Variants in FGFR2 observed in about 807,000 individuals in gnomAD.
FGFR2 encodes the protein fibroblast growth factor receptor 2.
FGFR2 carries 19 observed loss-of-function variants against 95.9 expected under a neutral mutation model. The observed-to-expected ratio is 0.20, with a 90% CI of 0.14 to 0.29. The LOEUF is 0.29. Ranked by LOEUF, FGFR2 falls within the 10% of genes least tolerant of loss-of-function variation. The pLI, the probability that FGFR2 is intolerant of heterozygous loss-of-function variation, is 1.00. For synonymous variants in FGFR2, 392 were observed against 393.3 expected, an observed-to-expected ratio of 1.00 and a Z score of 0.04; for missense variants, 707 against 1,056.9, an observed-to-expected ratio of 0.67 and a Z score of 4.59.
chr10:121,592,823 GC>G (rs1485772109), intron 2 of FGFR2, among the ~76,000 whole-genome samples: 1 of 152,156 alleles, frequency 6.6e-6, no homozygotes, highest in Non-Finnish European at 1.5e-5. Flanking sequence ...TCATTAAGTG[GC>G]GATGAGTGCT....
intron 7 of FGFR2, among the ~76,000 whole-genome samples, chr10:121,519,500 G>T (rs1428969385): frequency 6.6e-6 from 1 of 152,026 alleles, no homozygotes; most frequent in Non-Finnish European, 1.5e-5. Context: ...AATCCAAATT[G>T]TTTCTAAAAC....
rs1863027871 is a variant in FGFR2, at chr10:121,593,765, A to C, written c.53T>G (p.Leu18Trp). 4 of 1,614,062 alleles carry C rather than the reference A, an allele frequency of 2.5e-6. No individual in the cohort carries two copies. Among genetic ancestry groups the C allele is most frequent in the Non-Finnish European group, 3.4e-6 (4 of 1,180,028 alleles). The change falls in exon 2 of 18, where the codon TTG (leucine) becomes TGG (tryptophan). Residue 18 changes from leucine to tryptophan, a missense_variant. Transcript: ENST00000358487. The part of the protein sequence containing the change: ...ICLVVVTMAT[L>W]SLARPSFSLV... ...ACTGAAGGAGGGCCGGGCCAGGGAC[A>C]AGGTTGCCATGGTGACCACGACCAG...
intron 13 of FGFR2, among the ~76,000 whole-genome samples, chr10:121,492,952 G>A (rs1297216348): frequency 6.6e-6 from 1 of 152,164 alleles, no homozygotes; most frequent in Non-Finnish European, 1.5e-5. Context: ...GGGGCCTCAT[G>A]AGAGCAGGAG....
intron 13 of FGFR2, among the ~76,000 whole-genome samples, chr10:121,489,717 T>C (rs927153452): frequency 2.6e-5 from 4 of 152,196 alleles, no homozygotes; most frequent in African/African-American, 9.7e-5. Flanking sequence ...TACACCGGTA[T>C]TCTTTACACA....
At chr10:121,575,306 C>A (rs918854088) in intron 2 of FGFR2, among the ~76,000 whole-genome samples, 1 of 152,120 alleles carries the variant, frequency 6.6e-6, no homozygotes, top group South Asian at 2.1e-4. Context: ...ATGTCCCCAC[C>A]CACAGTGGAA....
intron 5 of FGFR2, among the ~76,000 whole-genome samples, chr10:121,542,349 AT>A (rs903586505): frequency 2.0e-5 from 3 of 152,062 alleles, no homozygotes; most frequent in Non-Finnish European, 4.4e-5. Context: ...CTTTTTTCTT[AT>A]TTCTACCTTT....
chr10:121,535,426 C>A (rs147831676), intron 6 of FGFR2, among the ~76,000 whole-genome samples: 319 of 152,322 alleles, frequency 2.1e-3, no homozygotes, highest in Admixed American at 6.3e-3. Context: ...CACGGACAAA[C>A]CTGCTGTTCA....
Position 121,485,881 on chromosome 10 carries a change from G to C in FGFR2, c.2058-349C>G, listed in dbSNP as rs2133806979. On this transcript the variant is annotated intron_variant, in intron 15 of 17. Transcript: ENST00000358487. The surrounding 1 kb of genome is among the most constrained non-coding windows in gnomAD (Gnocchi z 4.2). ...AACTCCTTATGTGCCTGACCCAAGG[G>C]TTGTGATCTACCAGGATGGGCAGTT... is the stretch of plus-strand genomic sequence containing the variant. Among the ~76,000 whole-genome samples the C allele has an allele frequency of 6.6e-6, 1 of 152,292 alleles. No individual in the cohort carries two copies. Among genetic ancestry groups the C allele is most frequent in the South Asian group, 2.1e-4 (1 of 4,818 alleles).
intron 9 of FGFR2, among the ~76,000 whole-genome samples, chr10:121,507,383 T>C (rs886159084): frequency 2.0e-5 from 3 of 151,990 alleles, no homozygotes; most frequent in Admixed American, 6.6e-5. Context: ...AGGTCAGGAG[T>C]TCGAGACCAG....
At chr10:121,524,836 T>C (rs538833891) in intron 6 of FGFR2, among the ~76,000 whole-genome samples, 21 of 152,120 alleles carry the variant, frequency 1.4e-4, no homozygotes, top group Non-Finnish European at 2.4e-4. Flanking sequence ...ACCAGGAACC[T>C]CCCCGGTCCC....
chr10:121,551,487 A>G lies in FGFR2; in HGVS notation c.455-28T>C, dbSNP rs1293796199. 3.1e-6 allele frequency: 5 copies of G among 1,609,312 alleles called. No homozygotes were observed. In the African/African-American group the frequency reaches 6.7e-5, roughly 22 times the overall value. ...GTTTTGGAAAACAGTATTAGAATGT[A>G]TACTGATGGACAGCTTCCCCTCCAT... On this transcript the variant is annotated intron_variant, in intron 4 of 17. Coordinates refer to ENST00000358487, the MANE Select transcript of FGFR2 (RefSeq NM_000141.5).
chr10:121,480,474 T>C (rs1844536066), intron 17 of FGFR2: 1 of 276,162 alleles, frequency 3.6e-6, no homozygotes, highest in African/African-American at 2.1e-5. Flanking sequence ...CGGTAACATG[T>C]TGTGGGTCCC....
chr10:121,525,099 G>A (rs1851181480), intron 6 of FGFR2, among the ~76,000 whole-genome samples: 1 of 152,230 alleles, frequency 6.6e-6, no homozygotes, highest in South Asian at 2.1e-4. Flanking sequence ...TACAAAGGGA[G>A]TGAGATAAAC....
chr10:121,537,009 G>C (rs1168499786), intron 6 of FGFR2, among the ~76,000 whole-genome samples: 2 of 152,192 alleles, frequency 1.3e-5, no homozygotes, highest in Non-Finnish European at 2.9e-5. Flanking sequence ...TTGATCAATG[G>C]ATTTACAGTG....
At chr10:121,562,163 G>A (rs1345278785) in intron 4 of FGFR2, among the ~76,000 whole-genome samples, 1 of 152,050 alleles carries the variant, frequency 6.6e-6, no homozygotes, top group Non-Finnish European at 1.5e-5. Context: ...ACATAATCCA[G>A]CAATCACACT....
In FGFR2 at chr10:121,503,899, G is replaced by A. The variant is rs143361368; in HGVS notation, c.1330C>T (p.Leu444=). 14 of 1,613,990 alleles carry A rather than the reference G, an allele frequency of 8.7e-6. No individual in the cohort carries two copies. The African/African-American group carries it at 1.7e-4, about 20-fold the overall frequency. Residue 444 remains leucine, a synonymous_variant, in exon 10 of 18, where the codon CTG becomes TTG. Coordinates refer to ENST00000358487, the MANE Select transcript of FGFR2 (RefSeq NM_000141.5). ...SSSSMNSNTP[L]VRITTRLSST... is the part of the protein sequence containing the mutation. Reference sequence around the variant, plus strand: ...GAGAGGCGTGTTGTTATCCTCACCAGCGGGGTGTTGGAGTTCATGGAGGAG... The same window carrying A: ...GAGAGGCGTGTTGTTATCCTCACCAACGGGGTGTTGGAGTTCATGGAGGAG...
chr10:121,515,521 C>G (rs1251051153), intron 8 of FGFR2, among the ~76,000 whole-genome samples: 1 of 152,104 alleles, frequency 6.6e-6, no homozygotes, highest in East Asian at 1.9e-4. Flanking sequence ...GTCACTGTCA[C>G]TAGCCTCAGT....
chr10:121,576,431 T>C (rs368607067), intron 2 of FGFR2, among the ~76,000 whole-genome samples: 6 of 152,230 alleles, frequency 3.9e-5, no homozygotes, highest in African/African-American at 1.4e-4. Context: ...AGCTGGTACA[T>C]CTCCAGCCCT....
chr10:121,598,152 GCCCGCGGGCTGCC>G lies in FGFR2; in HGVS notation c.-354_-342del. The stretch of plus-strand genomic sequence containing the variant: ...GGCTGCGGAGGAGCGCGGGCATGAC[GCCCGCGGGCTGCC>G]CTCGGATTTGGGGAACGAGAGGAAG... On this transcript the variant is annotated 5_prime_UTR_variant, in exon 1 of 18. Coordinates refer to ENST00000358487, the MANE Select transcript of FGFR2 (RefSeq NM_000141.5). The G allele has an allele frequency of 2.5e-6, 1 of 398,342 alleles. No individual in the cohort carries two copies. Among genetic ancestry groups the G allele is most frequent in the Non-Finnish European group, 4.4e-6 (1 of 225,886 alleles). 24.7% of individuals were successfully genotyped at this position (398,342 alleles called of 1,614,324 possible).
Sources: allele counts gnomAD v4.1 joint callset (sites outside exome capture counted in the v4.1 genomes callset), GRCh38; gene constraint gnomAD v4.1.1; non-coding constraint Gnocchi (gnomAD v3.1); transcripts MANE v1.5; gene names NCBI Gene and HGNC (gene_info 2026-07-23, HGNC 2026-07-21).